CNTN5: variants seen among roughly 807,000 people sequenced by gnomAD.
CNTN5 encodes contactin-5.
Under a neutral mutation model 129.1 loss-of-function variants are expected in CNTN5, and 77 were observed. The observed-to-expected ratio is 0.60, with a 90% CI of 0.50 to 0.72. The LOEUF (loss-of-function observed/expected upper bound fraction) is 0.72, where lower values mean the gene tolerates loss of function less well. Among genes scored for constraint, CNTN5 ranks in the 30% least tolerant of loss-of-function variants. The probability of loss-of-function intolerance (pLI) is 0.00; values close to 1 mark genes in which losing one functional copy is unlikely to be tolerated. For synonymous variants in CNTN5, 509 were observed against 465.6 expected, an observed-to-expected ratio of 1.09 and a Z score of -1.20; for missense variants, 1,478 against 1,328.8, an observed-to-expected ratio of 1.11 and a Z score of -1.75.
chr11:99,881,502 A>G (rs746065239), intron 6 of CNTN5, among the ~76,000 whole-genome samples: 12 of 152,348 alleles, frequency 7.9e-5, no homozygotes, highest in Admixed American at 1.3e-4. Flanking sequence ...AATTCATTGA[A>G]GTCCACTATT....
rs145224496 is a variant in CNTN5 at position 99,996,133 on chromosome 11, C to T, written c.878-5901C>T. The stretch of plus-strand genomic sequence containing the variant: ...GCAAATTATAGTGTTATTATTGACA[C>T]TGCCCATGCCCTTATTCCTGTACCT... On this transcript the variant is annotated intron_variant, in intron 8 of 24. Coordinates refer to ENST00000524871, the MANE Select transcript of CNTN5 (RefSeq NM_014361.4). 8.7e-4 allele frequency among the ~76,000 whole-genome samples: 133 copies of T among 152,292 alleles called. 1 individual carries two copies. Among genetic ancestry groups the T allele is most frequent in the African/African-American group, 3.1e-3 (127 of 41,572 alleles).
intron 1 of CNTN5, among the ~76,000 whole-genome samples, chr11:99,196,639 GT>G (rs768825687): frequency 6.6e-6 from 1 of 151,670 alleles, no homozygotes; most frequent in African/African-American, 2.4e-5. Context: ...TATATGCAGT[GT>G]TTTTTTCCTG....
chr11:99,076,067 C>T (rs752758900), intron 1 of CNTN5, among the ~76,000 whole-genome samples: 3 of 152,140 alleles, frequency 2.0e-5, no homozygotes, highest in Non-Finnish European at 2.9e-5. Flanking sequence ...GGCACAGTGG[C>T]TCACGCCTGT....
At chr11:100,260,598 T>C (rs768572787) in intron 17 of CNTN5, among the ~76,000 whole-genome samples, 5 of 152,174 alleles carry the variant, frequency 3.3e-5, no homozygotes, top group Admixed American at 6.5e-5. Context: ...TTATCCAAAA[T>C]GATCAAGTCA....
chr11:99,156,181 A>G (rs1160991795), intron 1 of CNTN5, among the ~76,000 whole-genome samples: 1 of 152,110 alleles, frequency 6.6e-6, no homozygotes, highest in Non-Finnish European at 1.5e-5. Flanking sequence ...GTCATTAATA[A>G]TAAAAAGATT....
chr11:99,331,432 T>C (rs1370101144), intron 2 of CNTN5, among the ~76,000 whole-genome samples: 1 of 152,054 alleles, frequency 6.6e-6, no homozygotes, highest in Admixed American at 6.6e-5. Flanking sequence ...AAAGAAGAAA[T>C]TGGTAATAAT....
chr11:99,247,798 T>A (rs1482474956), intron 1 of CNTN5, among the ~76,000 whole-genome samples: 2 of 152,172 alleles, frequency 1.3e-5, no homozygotes, highest in Non-Finnish European at 1.5e-5. Context: ...AACTCATCAT[T>A]TTTTATGGCT....
Position 99,678,817 on chromosome 11 carries a change from T to C in CNTN5, c.55+122548T>C, listed in dbSNP as rs141363459. The stretch of plus-strand genomic sequence containing the variant: ...AGAAATAAATTACTAGGTGTCCACA[T>C]GAGAAGAATACAAATAAAATGTTAA... On this transcript the variant is annotated intron_variant, in intron 3 of 24. Transcript: ENST00000524871. 2.4e-3 allele frequency among the ~76,000 whole-genome samples: 372 copies of C among 152,014 alleles called. 2 individuals are homozygous for C. Among genetic ancestry groups the C allele is most frequent in the African/African-American group, 8.5e-3 (353 of 41,506 alleles).
intron 2 of CNTN5, among the ~76,000 whole-genome samples, chr11:99,536,071 G>A (rs934891232): frequency 6.6e-6 from 1 of 152,086 alleles, no homozygotes; most frequent in African/African-American, 2.4e-5. Flanking sequence ...GAGAGATAGG[G>A]TATACAAATG....
intron 13 of CNTN5, among the ~76,000 whole-genome samples, chr11:100,143,103 C>T (rs925393563): frequency 9.2e-5 from 14 of 152,148 alleles, no homozygotes; most frequent in African/African-American, 1.4e-4. Flanking sequence ...AAATCTGCAA[C>T]ACTACTGGTC....
intron 1 of CNTN5, among the ~76,000 whole-genome samples, chr11:99,299,777 G>T (rs1018824390): frequency 6.6e-6 from 1 of 152,092 alleles, no homozygotes; most frequent in African/African-American, 2.4e-5. Context: ...ATGTGTGTGT[G>T]TTTCACATTT....
intron 1 of CNTN5, among the ~76,000 whole-genome samples, chr11:99,260,999 A>G (rs1386614638): frequency 6.6e-6 from 1 of 151,934 alleles, no homozygotes; most frequent in East Asian, 1.9e-4. Flanking sequence ...GTATTTATAG[A>G]TAAACTTAAA....
chr11:99,493,716 T>C (rs532423570), intron 2 of CNTN5, among the ~76,000 whole-genome samples: 2 of 152,264 alleles, frequency 1.3e-5, no homozygotes, highest in Middle Eastern at 6.8e-3. Context: ...GATTGAGGTG[T>C]TCAAGGAAGT....
intron 8 of CNTN5, among the ~76,000 whole-genome samples, chr11:99,967,162 A>G (rs1207408508): frequency 6.6e-6 from 1 of 152,180 alleles, no homozygotes; most frequent in East Asian, 1.9e-4. Context: ...ATAAAATTGC[A>G]CTTCAGTCCA....
intron 3 of CNTN5, among the ~76,000 whole-genome samples, chr11:99,587,100 G>A (rs562468139): frequency 6.6e-6 from 1 of 152,138 alleles, no homozygotes; most frequent in Non-Finnish European, 1.5e-5. Flanking sequence ...TGAAAACCAG[G>A]TCATATTGCA....
intron 2 of CNTN5, among the ~76,000 whole-genome samples, chr11:99,380,219 C>G (rs1313823439): frequency 6.6e-6 from 1 of 151,792 alleles, no homozygotes; most frequent in African/African-American, 2.4e-5. Flanking sequence ...GTGCAAAGGA[C>G]CAAATGATGT....
At chr11:99,486,685 T>C (rs1945828496) in intron 2 of CNTN5, among the ~76,000 whole-genome samples, 1 of 152,146 alleles carries the variant, frequency 6.6e-6, no homozygotes, top group Non-Finnish European at 1.5e-5. Context: ...TTAGAAACTA[T>C]TTCTTTCAAA....
chr11:99,976,791 C>T (rs1201297725), intron 8 of CNTN5, among the ~76,000 whole-genome samples: 1 of 152,240 alleles, frequency 6.6e-6, no homozygotes, highest in Non-Finnish European at 1.5e-5. Context: ...AGACCTCTAA[C>T]ATGCCCTGGA....
intron 2 of CNTN5, among the ~76,000 whole-genome samples, chr11:99,401,787 G>GT (rs373693303): frequency 6.6e-6 from 1 of 151,706 alleles, no homozygotes; most frequent in Admixed American, 6.6e-5. Context: ...CATTATGGAG[G>GT]TTTTTTTCCT....
Sources: gnomAD v4.1 joint callset for allele counts (sites outside exome capture counted in the v4.1 genomes callset) on GRCh38, gnomAD v4.1.1 for gene constraint, MANE v1.5 for transcripts, NCBI Gene and HGNC (gene_info 2026-07-23, HGNC 2026-07-21) for gene names.